PALLD: variants seen among roughly 807,000 people sequenced by gnomAD.
PALLD encodes the protein palladin, cytoskeletal associated protein.
In PALLD, 61 loss-of-function variants were observed where a neutral mutation model predicts 123.5. The observed-to-expected ratio is 0.49, with a 90% CI of 0.40 to 0.61. The LOEUF (loss-of-function observed/expected upper bound fraction) is 0.61, where lower values mean the gene tolerates loss of function less well. Ranked by LOEUF, PALLD falls within the 20% of genes least tolerant of loss-of-function variation. PALLD has a pLI of 0.00. For missense variants in PALLD, 1,273 were observed against 1,377.0 expected (o/e 0.92, Z 1.20); for synonymous variants, 465 against 496.4 (o/e 0.94, Z 0.84).
chr4:168,611,692 G>C (rs1196595055), intron 2 of PALLD, among the ~76,000 whole-genome samples: 1 of 152,088 alleles, frequency 6.6e-6, no homozygotes, highest in African/African-American at 2.4e-5. Flanking sequence ...TGCCTTTCTG[G>C]TACCATTTTA....
chr4:168,752,654 T>G (rs1731215159), intron 10 of PALLD, among the ~76,000 whole-genome samples: 1 of 152,212 alleles, frequency 6.6e-6, no homozygotes, highest in South Asian at 2.1e-4. Context: ...ACAGAGAACA[T>G]TTACACACTT....
At chr4:168,564,829 C>G (rs1022688667) in intron 2 of PALLD, among the ~76,000 whole-genome samples, 5 of 152,060 alleles carry the variant, frequency 3.3e-5, no homozygotes, top group Admixed American at 6.5e-5. Context: ...TGATCAAAAG[C>G]AGATCCACCC....
At chr4:168,691,477 T>G (rs4426738) in intron 8 of PALLD, among the ~76,000 whole-genome samples, 185 bp downstream of exon 8, 3,564 of 152,274 alleles carry the variant, frequency 0.023, 107 homozygotes, top group African/African-American at 0.074. Context: ...TACACTGCAT[T>G]TTACATCAAC....
intron 2 of PALLD, among the ~76,000 whole-genome samples, chr4:168,564,980 C>T (rs1169313569): frequency 6.7e-6 from 1 of 149,862 alleles, no homozygotes; most frequent in East Asian, 2.0e-4. Context: ...TTGCTTGAGC[C>T]TAGGAGACCA....
chr4:168,833,292 C>T (rs1207702924), intron 10 of PALLD, among the ~76,000 whole-genome samples: 1 of 135,444 alleles, frequency 7.4e-6, no homozygotes, highest in Admixed American at 6.9e-5. Context: ...GGGCATCTTC[C>T]CACCCTGCGG....
chr4:168,853,135 A>G (rs1560797190), intron 10 of PALLD, among the ~76,000 whole-genome samples: 1 of 152,254 alleles, frequency 6.6e-6, no homozygotes, highest in Non-Finnish European at 1.5e-5. Flanking sequence ...TGAGATAGCA[A>G]CATCTGAGAG....
At chr4:168,788,840 T>TA in intron 10 of PALLD, among the ~76,000 whole-genome samples, 1 of 152,214 alleles carries the variant, frequency 6.6e-6, no homozygotes, top group African/African-American at 2.4e-5. Flanking sequence ...ATAAATGAAT[T>TA]AAAAAATCTA....
intron 10 of PALLD, among the ~76,000 whole-genome samples, chr4:168,818,552 T>C (rs1437310280): frequency 6.6e-6 from 1 of 152,126 alleles, no homozygotes; most frequent in Non-Finnish European, 1.5e-5. Flanking sequence ...TACCATGTAC[T>C]CCAGCCTGGA....
At chr4:168,626,366 A>G (rs1304239448) in intron 2 of PALLD, among the ~76,000 whole-genome samples, 1 of 139,010 alleles carries the variant, frequency 7.2e-6, no homozygotes, top group Non-Finnish European at 1.5e-5. Flanking sequence ...GCACCACTGC[A>G]CTCCAGCCTG....
At chr4:168,584,215 G>T (rs1292986321) in intron 2 of PALLD, among the ~76,000 whole-genome samples, 2 of 148,022 alleles carry the variant, frequency 1.4e-5, no homozygotes, top group African/African-American at 4.9e-5. Context: ...AGACCATCAG[G>T]TTTTTTTTTT....
chr4:168,910,873 A>G (rs1758803774), intron 15 of PALLD, among the ~76,000 whole-genome samples: 1 of 152,176 alleles, frequency 6.6e-6, no homozygotes, highest in South Asian at 2.1e-4. Context: ...TAAATATGAA[A>G]GAATTTTAGA....
chr4:168,903,172 T>C (rs551016894), intron 14 of PALLD, among the ~76,000 whole-genome samples: 1 of 152,300 alleles, frequency 6.6e-6, no homozygotes, highest in East Asian at 1.9e-4. Flanking sequence ...CATTTAACCT[T>C]TGATCATATG....
chr4:168,819,825 T>G (rs1299361073), intron 10 of PALLD, among the ~76,000 whole-genome samples: 1 of 152,220 alleles, frequency 6.6e-6, no homozygotes, highest in Non-Finnish European at 1.5e-5. Flanking sequence ...AACTATTGAG[T>G]AATCATAGAA....
chr4:168,849,728 A>G (rs1389967236), intron 10 of PALLD, among the ~76,000 whole-genome samples: 1 of 146,656 alleles, frequency 6.8e-6, no homozygotes, highest in Non-Finnish European at 1.5e-5. Flanking sequence ...ATCTCATTAC[A>G]GGTATTATTA....
At chr4:168,722,050 T>C (rs1786074056) in intron 10 of PALLD, among the ~76,000 whole-genome samples, 1 of 152,170 alleles carries the variant, frequency 6.6e-6, no homozygotes, top group Non-Finnish European at 1.5e-5. Context: ...TATATATGTA[T>C]GTATGTATTT....
chr4:168,733,977 T>C (rs758260229), intron 10 of PALLD, among the ~76,000 whole-genome samples: 13 of 152,270 alleles, frequency 8.5e-5, no homozygotes, highest in South Asian at 8.3e-4. Context: ...CCTCGTGATC[T>C]GCCCGCCTTG....
chr4:168,667,935 T>C (rs1386113580), intron 2 of PALLD, among the ~76,000 whole-genome samples: 1 of 152,230 alleles, frequency 6.6e-6, no homozygotes, highest in Non-Finnish European at 1.5e-5. Flanking sequence ...GAAATGGTCT[T>C]TCTGAGTTTG....
At chr4:168,583,175 A>T (rs1469661652) in intron 2 of PALLD, among the ~76,000 whole-genome samples, 1 of 152,166 alleles carries the variant, frequency 6.6e-6, no homozygotes, top group African/African-American at 2.4e-5. Context: ...ATACAGAGAC[A>T]TTTCTTTTTG....
intron 10 of PALLD, among the ~76,000 whole-genome samples, chr4:168,789,880 T>C (rs993758367): frequency 1.4e-4 from 21 of 152,108 alleles, no homozygotes; most frequent in African/African-American, 4.6e-4. Flanking sequence ...TCTAATCTGG[T>C]AGGGGATTTT....
Sources: gnomAD v4.1 joint callset for allele counts (sites outside exome capture counted in the v4.1 genomes callset) on GRCh38, gnomAD v4.1.1 for gene constraint, MANE v1.5 for transcripts, NCBI Gene and HGNC (gene_info 2026-07-23, HGNC 2026-07-21) for gene names.